Variants in SCRIB observed in about 807,000 individuals in gnomAD.
SCRIB encodes the protein protein scribble homolog.
SCRIB carries 72 observed loss-of-function variants against 170.0 expected under a neutral mutation model. The observed-to-expected ratio is 0.42, with a 90% CI of 0.35 to 0.52. The LOEUF (loss-of-function observed/expected upper bound fraction) is 0.52, where lower values mean the gene tolerates loss of function less well. Ranked by LOEUF, SCRIB falls within the 20% of genes least tolerant of loss-of-function variation. The pLI is 0.02. For synonymous variants in SCRIB, 1,298 were observed against 1,044.3 expected (o/e 1.24, Z -4.68); for missense variants, 2,475 against 2,338.5 (o/e 1.06, Z -1.20).
rs1554633902 is a variant in SCRIB at position 143,795,423 on chromosome 8, G to C, written c.3711C>G (p.Gly1237=). 1 of 1,612,966 alleles carries C rather than the reference G, an allele frequency of 6.2e-7. No homozygotes were observed. Among genetic ancestry groups the C allele is most frequent in the East Asian group, 2.2e-5 (1 of 44,854 alleles). The part of the protein sequence containing the change: ...IDRELSPEGP[G]KEKELPGQTL... ...GCCGGCTGCAGGCACCTCTGACCTTGCCTGGGCCCTCAGGGCTCAGCTCCC... is the reference window on the plus strand; with the variant it reads ...GCCGGCTGCAGGCACCTCTGACCTTCCCTGGGCCCTCAGGGCTCAGCTCCC... The change falls in exon 25 of 37, where the codon GGC becomes GGG. Residue 1237 remains glycine, a synonymous_variant. Transcript: ENST00000356994.
chr8:143,796,343 C>G (rs1403240672), intron 24 of SCRIB, among the ~76,000 whole-genome samples: 1 of 152,206 alleles, frequency 6.6e-6, no homozygotes, highest in East Asian at 1.9e-4. Context: ...GCCCTCATCA[C>G]AGACGGGGTC....
In SCRIB at chr8:143,805,395, G is replaced by A. The variant is rs1554636313; in HGVS notation, c.2387C>T (p.Ala796Val). The change falls in exon 19 of 37, where the codon GCC (alanine) becomes GTC (valine). Residue 796 changes from alanine (A) to valine (V), a missense_variant. By Grantham distance (64) the Ala-to-Val change is moderately conservative. Transcript: ENST00000356994. ...VALQGAEHHE[A>V]VEALRGAGTA... Reference sequence around the variant, plus strand: ...GCCGGCCCCCCGGAGCGCCTCCACGGCCTCGTGGTGCTCGGCGCCCTGCAG... The same window carrying A: ...GCCGGCCCCCCGGAGCGCCTCCACGACCTCGTGGTGCTCGGCGCCCTGCAG... 1.3e-6 allele frequency: 2 copies of A among 1,538,784 alleles called. No homozygotes were observed. The highest frequency in any genetic ancestry group is 2.4e-5 in the East Asian group (1 of 41,428).
At position 143,809,685 on chromosome 8, in the gene SCRIB, C is replaced by G. The variant is rs1306176958; in HGVS notation, c.1564G>C (p.Glu522Gln). The change falls in exon 14 of 37, where the codon GAA (glutamate) becomes CAA (glutamine). Residue 522 changes from glutamate (E) to glutamine (Q), a missense_variant. Physicochemically the swap from Glu to Gln is conservative, Grantham distance 29. Transcript: ENST00000356994. The stretch of plus-strand genomic sequence containing the variant: ...GTGCTGGCAGATGGGCGAGAGTCTT[C>G]ACTCAGGCCAGACTCGGCACTCAGC... ...KRLSAESGLSEDSRPSASTVS... is the reference protein window; with the variant it reads ...KRLSAESGLSQDSRPSASTVS... The G allele has an allele frequency of 6.2e-7, 1 of 1,610,524 alleles. No individual in the cohort carries two copies. The highest frequency in any genetic ancestry group is 1.3e-5 in the African/African-American group (1 of 74,928).
chr8:143,814,678 C>G (rs1330921630), intron 1 of SCRIB, among the ~76,000 whole-genome samples: 1 of 152,196 alleles, frequency 6.6e-6, no homozygotes, highest in African/African-American at 2.4e-5. Context: ...CACCCCATCT[C>G]CAGAAAAGAA....
chr8:143,812,019 A>G (rs1230713790), intron 9 of SCRIB, among the ~76,000 whole-genome samples: 1 of 152,180 alleles, frequency 6.6e-6, no homozygotes, highest in Non-Finnish European at 1.5e-5. Context: ...CCAGTGTTAC[A>G]ACATACAGCG....
chr8:143,804,546 TG>T (rs1467662062), intron 21 of SCRIB, 21 bp downstream of exon 21: 4 of 1,487,776 alleles, frequency 2.7e-6, no homozygotes, highest in Admixed American at 4.7e-5. Flanking sequence ...GGTGGGTGCC[TG>T]GGTGGGGGCT....
rs1322449469 is a variant in SCRIB, at chr8:143,807,467, CA to C, written c.2178+84del. 92 of 1,101,470 alleles carry C rather than the reference CA, an allele frequency of 8.4e-5. No homozygotes were observed. In the African/African-American group the frequency reaches 1.3e-3, roughly 16 times the overall value. 68.2% of individuals were successfully genotyped at this position (1,101,470 alleles called of 1,614,324 possible). On this transcript the variant is annotated intron_variant, in intron 16 of 36. Transcript: ENST00000356994. ...TTGAGAGGGATCTGCGCTCAAGCAA[CA>C]GGGGCGGGGAGAGGCGTGAGCCCAC...
intron 31 of SCRIB, 26 bp from the exon 32 acceptor site, chr8:143,792,431 G>A (rs782467394): frequency 2.0e-6 from 3 of 1,506,610 alleles, no homozygotes; most frequent in African/African-American, 1.4e-5. Flanking sequence ...GACGTGCTGT[G>A]GGGGGCAGGG....
chr8:143,806,349 G>T, intron 18 of SCRIB, 58 bp downstream of exon 18: 2 of 1,358,320 alleles, frequency 1.5e-6, no homozygotes, highest in Non-Finnish European at 1.0e-6. Context: ...TAATACCAGG[G>T]ACCATGTACC....
chr8:143,800,704 G>A (rs550780563), intron 24 of SCRIB, among the ~76,000 whole-genome samples: 74 of 152,328 alleles, frequency 4.9e-4, no homozygotes, highest in Middle Eastern at 6.8e-3. Context: ...ACAAAACCCC[G>A]TTTCTACAGA....
At chr8:143,805,571 T>G in intron 18 of SCRIB, 136 bp from the exon 19 acceptor site, 1 of 880,138 alleles carries the variant, frequency 1.1e-6, no homozygotes, top group Non-Finnish European at 1.6e-6. Flanking sequence ...GGCGCTGACA[T>G]CACCCGAGAC....
rs531955651 is a variant in SCRIB, at chr8:143,795,028, G to A, written c.3846+10C>T. On this transcript the variant is annotated intron_variant, in intron 27 of 36. Coordinates refer to ENST00000356994, the MANE Select transcript of SCRIB (RefSeq NM_182706.5). ...ACGGAGGTGGGGGGCACTGCACACT[G>A]GGCACTCACCCTCTGCACGCTGCCA... 1.1e-5 allele frequency: 17 copies of A among 1,608,118 alleles called. No homozygotes were observed. In the African/African-American group the frequency reaches 2.1e-4, roughly 20 times the overall value.
chr8:143,797,979 C>T (rs2130026744), intron 24 of SCRIB, among the ~76,000 whole-genome samples: 1 of 152,332 alleles, frequency 6.6e-6, no homozygotes, highest in African/African-American at 2.4e-5. Context: ...CAAAGAGAAA[C>T]AAATGGCAGA....
At chr8:143,797,849 G>A (rs1350304623) in intron 24 of SCRIB, among the ~76,000 whole-genome samples, 2 of 152,266 alleles carry the variant, frequency 1.3e-5, no homozygotes, top group Admixed American at 6.5e-5. Context: ...TTCCACGACG[G>A]AGCACGTCCC....
intron 13 of SCRIB, 103 bp downstream of exon 13, chr8:143,810,373 CCTT>C: frequency 6.8e-7 from 1 of 1,480,450 alleles, no homozygotes; most frequent in Non-Finnish European, 9.1e-7. Flanking sequence ...ATCTCCTGCT[CCTT>C]CTCTGTGCTG....
intron 34 of SCRIB, 47 bp from the exon 35 acceptor site, chr8:143,791,787 G>T (rs781983328): frequency 6.0e-6 from 9 of 1,507,416 alleles, no homozygotes; most frequent in African/African-American, 4.2e-5. Context: ...AGAGGAAAGG[G>T]GGGGATGAGG....
chr8:143,794,397 T>C (rs1307840831), intron 27 of SCRIB, among the ~76,000 whole-genome samples: 2 of 151,952 alleles, frequency 1.3e-5, no homozygotes, highest in African/African-American at 4.8e-5. Flanking sequence ...CCCGGAAGCC[T>C]CCCTCTTGGC....
At position 143,815,405 on chromosome 8, in the gene SCRIB, G is replaced by A. The variant is rs1050004628; in HGVS notation, c.-33C>T. The stretch of plus-strand genomic sequence containing the variant: ...GTGGGCGGCGCGGGCTCCGGCGGCG[G>A]CGCTCGGCGGGCTCGGGGCCGGGGG... On this transcript the variant is annotated 5_prime_UTR_variant, in exon 1 of 37. Coordinates refer to ENST00000356994, the MANE Select transcript of SCRIB (RefSeq NM_182706.5). The A allele has an allele frequency of 6.3e-6, 8 of 1,264,476 alleles. No individual in the cohort carries two copies. The African/African-American group carries it at 1.1e-4, about 17-fold the overall frequency. 78.3% of individuals were successfully genotyped at this position (1,264,476 alleles called of 1,614,324 possible).
rs779555177 is a variant in SCRIB at position 143,815,355 on chromosome 8, C to G, written c.18G>C (p.Pro6=). The G allele has an allele frequency of 2.0e-6, 3 of 1,531,514 alleles. No individual in the cohort carries two copies. Among genetic ancestry groups the G allele is most frequent in the Admixed American group, 3.8e-5 (2 of 52,440 alleles). The allele number at this position is 1,531,514 out of a possible 1,614,324, so 94.9% of individuals were successfully genotyped here. ...CCACGTGCCGGTTGCAGCGCCACAGCGGGATGCACTTGAGCATGGTGCGGG... is the reference window on the plus strand; with the variant it reads ...CCACGTGCCGGTTGCAGCGCCACAGGGGGATGCACTTGAGCATGGTGCGGG... The part of the protein sequence containing the change: MLKCI[P]LWRCNRHVES... The change falls in exon 1 of 37, where the codon CCG becomes CCC. Residue 6 remains proline, a synonymous_variant. Coordinates refer to ENST00000356994, the MANE Select transcript of SCRIB (RefSeq NM_182706.5).
Sources: gnomAD v4.1 joint callset for allele counts (sites outside exome capture counted in the v4.1 genomes callset) on GRCh38, gnomAD v4.1.1 for gene constraint, MANE v1.5 for transcripts, NCBI Gene and HGNC (gene_info 2026-07-23, HGNC 2026-07-21) for gene names.